The following CRY1 variants were observed in gnomAD, a reference collection of about 807,000 sequenced individuals.
CRY1 encodes cryptochrome-1.
In CRY1, 45 loss-of-function variants were observed where a neutral mutation model predicts 76.0. The observed-to-expected ratio is 0.59, with a 90% CI of 0.47 to 0.76. CRY1 has a LOEUF of 0.76. CRY1 is among the 30% of genes least tolerant of loss of function. The pLI is 0.00. For synonymous variants in CRY1, 248 were observed against 244.0 expected (o/e 1.02, Z -0.15); for missense variants, 587 against 716.4 (o/e 0.82, Z 2.06).
At chr12:107,045,849 T>C (rs890585783) in intron 1 of CRY1, among the ~76,000 whole-genome samples, 7 of 152,236 alleles carry the variant, frequency 4.6e-5, no homozygotes, top group Admixed American at 3.3e-4. Flanking sequence ...TTAGGAGATA[T>C]ACCTAATGTA....
intron 1 of CRY1, among the ~76,000 whole-genome samples, chr12:107,079,093 T>C (rs554675703): frequency 6.6e-6 from 1 of 152,020 alleles, no homozygotes; most frequent in East Asian, 1.9e-4. Flanking sequence ...TGAGTTCTTA[T>C]ATAATAGGCA....
At chr12:107,002,575 T>G (rs7310850) in intron 3 of CRY1, among the ~76,000 whole-genome samples, 107,574 of 152,004 alleles carry the variant, frequency 0.71, 39,101 homozygotes, top group East Asian at 0.97. Context: ...CCAAATAAAA[T>G]ACAATTTTAT....
intron 1 of CRY1, among the ~76,000 whole-genome samples, chr12:107,033,497 A>C (rs1385909589): frequency 6.6e-6 from 1 of 152,218 alleles, no homozygotes; most frequent in African/African-American, 2.4e-5. Context: ...GCATATTATC[A>C]CAGCAAACCA....
chr12:107,027,636 A>G (rs1039592419), intron 1 of CRY1, among the ~76,000 whole-genome samples: 27 of 152,144 alleles, frequency 1.8e-4, no homozygotes, highest in African/African-American at 6.3e-4. Context: ...TCCTCCAGAG[A>G]TCACTATCTA....
chr12:107,090,253 C>T (rs1045700933), intron 1 of CRY1, among the ~76,000 whole-genome samples: 5 of 151,948 alleles, frequency 3.3e-5, no homozygotes, highest in South Asian at 2.1e-4. Context: ...ATACGCCTAT[C>T]TAATTTTTTT....
At chr12:107,035,467 C>A (rs2136861004) in intron 1 of CRY1, among the ~76,000 whole-genome samples, 1 of 152,304 alleles carries the variant, frequency 6.6e-6, no homozygotes, top group South Asian at 2.1e-4. Flanking sequence ...ATTACAGCTG[C>A]AAACATTTAG....
At chr12:107,085,572 C>G (rs1398739054) in intron 1 of CRY1, among the ~76,000 whole-genome samples, 4 of 152,032 alleles carry the variant, frequency 2.6e-5, no homozygotes, top group African/African-American at 9.7e-5. Flanking sequence ...AACAGAAAAC[C>G]AAACATCGCA....
chr12:107,001,143 G>C lies in CRY1; in HGVS notation c.684+137C>G, dbSNP rs555735069. Reference sequence around the variant, plus strand: ...ATGGTAGTTAACTTTCAAACAATTAGGTTTGTGCTATTTTAACCATTTCTG... The same window carrying C: ...ATGGTAGTTAACTTTCAAACAATTACGTTTGTGCTATTTTAACCATTTCTG... On this transcript the variant is annotated intron_variant, in intron 5 of 12. Coordinates refer to ENST00000008527, the MANE Select transcript of CRY1 (RefSeq NM_004075.5). 7 of 626,284 alleles carry C rather than the reference G, an allele frequency of 1.1e-5. No homozygotes were observed. The Admixed American group carries it at 1.8e-4, about 16-fold the overall frequency. 38.8% of individuals were successfully genotyped at this position (626,284 alleles called of 1,614,324 possible). A position where few individuals can be genotyped will look rare whatever the true frequency, so the allele number is the denominator to read the frequency against.
chr12:107,001,638 T>C lies in CRY1; in HGVS notation c.595+126A>G, dbSNP rs11836777. On this transcript the variant is annotated intron_variant, in intron 4 of 12. Transcript: ENST00000008527. ...ACTTCTTAAAGGGTTCTTTTTCTTC[T>C]CCCCCTGCCCTTTCTTTCTCTCCTA... 436 of 828,782 alleles carry C rather than the reference T, an allele frequency of 5.3e-4. 1 individual carries two copies. In the African/African-American group the frequency reaches 6.5e-3, roughly 12 times the overall value. The allele number at this position is 828,782 out of a possible 1,614,324, so 51.3% of individuals were successfully genotyped here. A position where few individuals can be genotyped will look rare whatever the true frequency, so the allele number is the denominator to read the frequency against.
rs1015888304 is a variant in CRY1, at chr12:107,019,761, CA to C, written c.267+2322del. Among the ~76,000 whole-genome samples, 11 of 147,590 alleles carry C rather than the reference CA, an allele frequency of 7.5e-5. No homozygotes were observed. In the East Asian group the frequency reaches 1.2e-3, roughly 16 times the overall value. ...TGAGCAACATAGCAAGACTACCAAA[CA>C]AAAAAAAAATTAGCCAAGTATGGTG... On this transcript the variant is annotated intron_variant, in intron 2 of 12. Coordinates refer to ENST00000008527, the MANE Select transcript of CRY1 (RefSeq NM_004075.5).
intron 1 of CRY1, among the ~76,000 whole-genome samples, chr12:107,077,810 A>G (rs1209663280): frequency 6.6e-6 from 1 of 151,956 alleles, no homozygotes; most frequent in East Asian, 1.9e-4. Flanking sequence ...TCCAACCTGA[A>G]TCATTTCCCC....
At chr12:107,002,306 T>C (rs940551686) in intron 3 of CRY1, among the ~76,000 whole-genome samples, 7 of 152,114 alleles carry the variant, frequency 4.6e-5, no homozygotes, top group African/African-American at 1.7e-4. Flanking sequence ...ATGAAAAACA[T>C]GTTATGGCCC....
intron 1 of CRY1, among the ~76,000 whole-genome samples, chr12:107,037,571 G>A (rs1952749597): frequency 6.6e-6 from 1 of 152,084 alleles, no homozygotes; most frequent in Admixed American, 6.6e-5. Flanking sequence ...TCTACTGGGA[G>A]TCAATCACAT....
chr12:107,077,821 C>T (rs1953275678), intron 1 of CRY1, among the ~76,000 whole-genome samples: 1 of 151,942 alleles, frequency 6.6e-6, no homozygotes, highest in South Asian at 2.1e-4. Context: ...TCATTTCCCC[C>T]ACTCCCCTCC....
rs114339012 is a variant in CRY1 at position 107,003,736 on chromosome 12, T to A, written c.410+1370A>T. Among the ~76,000 whole-genome samples, 1,042 of 152,284 alleles carry A rather than the reference T, an allele frequency of 6.8e-3. 18 individuals are homozygous for A. The highest frequency in any genetic ancestry group is 0.024 in the African/African-American group (999 of 41,560). Reference sequence around the variant, plus strand: ...AATGAGAATCTTAGGACAAAACATTTTCTATATGTTACATTTTAATATGAT... The same window carrying A: ...AATGAGAATCTTAGGACAAAACATTATCTATATGTTACATTTTAATATGAT... On this transcript the variant is annotated intron_variant, in intron 3 of 12. Transcript: ENST00000008527.
chr12:106,997,563 G>A lies in CRY1; in HGVS notation c.1417C>T (p.His473Tyr). The change falls in exon 9 of 13, where the codon CAT becomes TAT. Residue 473 changes from histidine to tyrosine, a missense_variant. Physicochemically the swap from His to Tyr is moderately conservative, Grantham distance 83. Coordinates refer to ENST00000008527, the MANE Select transcript of CRY1 (RefSeq NM_004075.5). ...GVNYPKPMVN[H>Y]AEASRLNIER... is the part of the protein sequence containing the mutation. ...ATATTCAAACGGCTTGCCTCAGCAT[G>A]GTTCACCATTGGTTTAGGATAATTA... 1 of 1,614,150 alleles carries A rather than the reference G, an allele frequency of 6.2e-7. No homozygotes were observed. Among genetic ancestry groups the A allele is most frequent in the South Asian group, 1.1e-5 (1 of 91,082 alleles).
intron 1 of CRY1, among the ~76,000 whole-genome samples, chr12:107,036,935 G>A (rs189100782): frequency 1.2e-4 from 19 of 152,080 alleles, no homozygotes; most frequent in Non-Finnish European, 2.5e-4. Context: ...GCATTCCTGA[G>A]CCCCCTTCCT....
At chr12:107,033,371 A>G (rs1406654429) in intron 1 of CRY1, among the ~76,000 whole-genome samples, 1 of 152,210 alleles carries the variant, frequency 6.6e-6, no homozygotes, top group African/African-American at 2.4e-5. Context: ...CCAATCTCAT[A>G]AAAAGGATAG....
At chr12:107,053,158 AT>A (rs1197200534) in intron 1 of CRY1, among the ~76,000 whole-genome samples, 1 of 152,258 alleles carries the variant, frequency 6.6e-6, no homozygotes, top group East Asian at 1.9e-4. Flanking sequence ...TATATGAAAA[AT>A]ATAATAATTG....
Sources: allele counts gnomAD v4.1 joint callset (sites outside exome capture counted in the v4.1 genomes callset), GRCh38; gene constraint gnomAD v4.1.1; transcripts MANE v1.5; gene names NCBI Gene and HGNC (gene_info 2026-07-23, HGNC 2026-07-21).